RAB3C: variants seen among roughly 807,000 people sequenced by gnomAD.
RAB3C encodes RAB3C, member RAS oncogene family, also known as ras-related protein Rab-3C.
A neutral mutation model predicts 26.4 loss-of-function variants in RAB3C; 17 were observed. That is an observed-to-expected ratio of 0.64 (90% CI 0.44 to 0.97). The LOEUF (loss-of-function observed/expected upper bound fraction) is 0.97. RAB3C is among the 50% of genes least tolerant of loss of function. The probability of loss-of-function intolerance (pLI) is 0.00; values close to 1 mark genes in which losing one functional copy is unlikely to be tolerated. For missense variants in RAB3C, 242 were observed against 281.9 expected, an observed-to-expected ratio of 0.86 and a Z score of 1.01; for synonymous variants, 91 against 95.9, an observed-to-expected ratio of 0.95 and a Z score of 0.30.
chr5:58,592,808 T>C (rs1312738435), intron 1 of RAB3C, among the ~76,000 whole-genome samples: 1 of 152,128 alleles, frequency 6.6e-6, no homozygotes, highest in East Asian at 1.9e-4. Flanking sequence ...GTAATGTCAT[T>C]TTTTTCATCT....
In RAB3C at chr5:58,851,548, G is replaced by T. The variant is rs1744116001; in HGVS notation, c.*197G>T. On this transcript the variant is annotated 3_prime_UTR_variant, in exon 5 of 5. Transcript: ENST00000282878. ...AAATATGTGATCTTAAATTTATAAG[G>T]ACTATCCATCTATAAACATCTGGTA... 6.6e-6 allele frequency: 3 copies of T among 452,194 alleles called. No individual in the cohort carries two copies. The highest frequency in any genetic ancestry group is 1.2e-5 in the Non-Finnish European group (3 of 260,124). 28.0% of individuals were successfully genotyped at this position (452,194 alleles called of 1,614,324 possible). A position where few individuals can be genotyped will look rare whatever the true frequency, so the allele number is the denominator to read the frequency against.
Position 58,708,964 on chromosome 5 carries a change from A to G in RAB3C, c.253-17038A>G, listed in dbSNP as rs554638611. Among the ~76,000 whole-genome samples the G allele has an allele frequency of 2.0e-5, 3 of 152,370 alleles. No homozygotes were observed. In the East Asian group the frequency reaches 5.8e-4, roughly 29 times the overall value. The stretch of plus-strand genomic sequence containing the variant: ...TCTTAAATTTAAAATGTCAATGTAC[A>G]GATGTATGCTATATAGCATATACTT... On this transcript the variant is annotated intron_variant, in intron 2 of 4. Coordinates refer to ENST00000282878, the MANE Select transcript of RAB3C (RefSeq NM_138453.4).
In RAB3C at chr5:58,586,092, C is replaced by T. The variant is rs570539983; in HGVS notation, c.24+2860C>T. Among the ~76,000 whole-genome samples, 5 of 151,974 alleles carry T rather than the reference C, an allele frequency of 3.3e-5. No individual in the cohort carries two copies. In the East Asian group the frequency reaches 9.6e-4, roughly 29 times the overall value. On this transcript the variant is annotated intron_variant, in intron 1 of 4. Coordinates refer to ENST00000282878, the MANE Select transcript of RAB3C (RefSeq NM_138453.4). ...TATCTAGTGCTTTACCTGTGCTGAG[C>T]CCTGTGACTTAGATTTCATTGTATT...
intron 2 of RAB3C, among the ~76,000 whole-genome samples, chr5:58,690,907 C>A (rs1175262656): frequency 1.3e-5 from 2 of 151,894 alleles, no homozygotes. Context: ...CTAATAAATC[C>A]AGTTACCACA....
intron 3 of RAB3C, among the ~76,000 whole-genome samples, chr5:58,791,441 C>T (rs1031444156): frequency 5.7e-4 from 86 of 152,152 alleles, no homozygotes; most frequent in African/African-American, 1.0e-3. Flanking sequence ...ATCCCCAGTG[C>T]AAACTCTGCA....
At chr5:58,703,499 A>C (rs1270793882) in intron 2 of RAB3C, among the ~76,000 whole-genome samples, 1 of 152,146 alleles carries the variant, frequency 6.6e-6, no homozygotes, top group East Asian at 1.9e-4. Flanking sequence ...TTCTTTTGTA[A>C]TCATATTTCT....
At chr5:58,669,089 C>G (rs1217885498) in intron 2 of RAB3C, among the ~76,000 whole-genome samples, 1 of 152,066 alleles carries the variant, frequency 6.6e-6, no homozygotes, top group African/African-American at 2.4e-5. Flanking sequence ...ACCTAATTAC[C>G]TCCTGAAGGC....
chr5:58,801,349 T>C (rs1241519433), intron 3 of RAB3C, among the ~76,000 whole-genome samples: 1 of 152,148 alleles, frequency 6.6e-6, no homozygotes, highest in Non-Finnish European at 1.5e-5. Flanking sequence ...CATAGTGTAA[T>C]CCATGAAGCT....
intron 2 of RAB3C, among the ~76,000 whole-genome samples, chr5:58,630,667 A>G (rs1217872249): frequency 6.6e-6 from 1 of 152,214 alleles, no homozygotes; most frequent in Non-Finnish European, 1.5e-5. Context: ...CATGGGAGAA[A>G]GACAATGAGA....
intron 3 of RAB3C, among the ~76,000 whole-genome samples, chr5:58,810,250 A>C (rs1449704186): frequency 6.6e-6 from 1 of 152,178 alleles, no homozygotes; most frequent in Non-Finnish European, 1.5e-5. Flanking sequence ...AGCATACAGG[A>C]CACAGCACAG....
chr5:58,817,831 CAA>C lies in RAB3C; in HGVS notation c.372-7204_372-7203del, dbSNP rs1743250404. ...TGATTAAATTAAGTGAAAAAAATAA[CAA>C]AAGGGCCAATTATATGTGAAGAGCA... On this transcript the variant is annotated intron_variant, in intron 3 of 4. Transcript: ENST00000282878. Among the ~76,000 whole-genome samples the C allele has an allele frequency of 2.0e-5, 3 of 151,944 alleles. No individual in the cohort carries two copies. The South Asian group carries it at 6.2e-4, about 32-fold the overall frequency.
chr5:58,831,165 G>A (rs545667379), intron 4 of RAB3C, among the ~76,000 whole-genome samples: 1 of 152,242 alleles, frequency 6.6e-6, no homozygotes, highest in Admixed American at 6.5e-5. Context: ...ACAGTCATGA[G>A]CCACTGTGCC....
intron 2 of RAB3C, among the ~76,000 whole-genome samples, chr5:58,723,789 A>G (rs1040574124): frequency 8.6e-5 from 13 of 151,982 alleles, no homozygotes; most frequent in Non-Finnish European, 1.5e-4. Flanking sequence ...CTCTGCATCC[A>G]AAGGAGGCAT....
chr5:58,628,542 G>T (rs756290075), intron 2 of RAB3C, among the ~76,000 whole-genome samples: 1 of 152,078 alleles, frequency 6.6e-6, no homozygotes, highest in Non-Finnish European at 1.5e-5. Flanking sequence ...TCATGGAAGG[G>T]GCCACAGATG....
rs35659245 is a variant in RAB3C at position 58,766,119 on chromosome 5, C to CTTT, written c.371+40013_371+40015dup. Reference sequence around the variant, plus strand: ...ACAAATTACCCAGTTTCAGGTAATTCTTTTTTTTTTTTTTTTGAGATGTAG... The same window carrying CTTT: ...ACAAATTACCCAGTTTCAGGTAATTCTTTTTTTTTTTTTTTTTTTGAGATGTAG... On this transcript the variant is annotated intron_variant, in intron 3 of 4. Transcript: ENST00000282878. 2.3e-3 allele frequency among the ~76,000 whole-genome samples: 322 copies of CTTT among 138,450 alleles called. 2 individuals are homozygous for CTTT. Among genetic ancestry groups the CTTT allele is most frequent in the African/African-American group, 8.0e-3 (297 of 37,086 alleles). The allele number at this position is 138,450 out of a possible 152,430, so 90.8% of individuals were successfully genotyped here. A position where few individuals can be genotyped will look rare whatever the true frequency, so the allele number is the denominator to read the frequency against.
chr5:58,844,145 G>A (rs1388538593), intron 4 of RAB3C, among the ~76,000 whole-genome samples: 1 of 152,136 alleles, frequency 6.6e-6, no homozygotes, highest in African/African-American at 2.4e-5. Flanking sequence ...TTTGCTTTTG[G>A]ATGCAAAGTT....
At chr5:58,688,712 C>A (rs565712540) in intron 2 of RAB3C, among the ~76,000 whole-genome samples, 1 of 151,984 alleles carries the variant, frequency 6.6e-6, no homozygotes, top group African/African-American at 2.4e-5. Flanking sequence ...ATTTCTTTGG[C>A]CTTTGAATCT....
At position 58,854,211 on chromosome 5, in the gene RAB3C, T is replaced by C. The variant is rs984020499; in HGVS notation, c.*2860T>C. ...CCTGTTGGTTTGTAAGTTATACACA[T>C]TTATCTCTTGTCTTTGATTTAATTA... On this transcript the variant is annotated 3_prime_UTR_variant, in exon 5 of 5. Transcript: ENST00000282878. The C allele has an allele frequency of 6.6e-6, 1 of 152,178 alleles. No homozygotes were observed. Among genetic ancestry groups the C allele is most frequent in the Non-Finnish European group, 1.5e-5 (1 of 68,028 alleles). The allele number at this position is 152,178 out of a possible 1,614,324, so 9.4% of individuals were successfully genotyped here.
chr5:58,640,435 T>C (rs1747391440), intron 2 of RAB3C, among the ~76,000 whole-genome samples: 1 of 152,234 alleles, frequency 6.6e-6, no homozygotes, highest in South Asian at 2.1e-4. Context: ...AGGCTGACTA[T>C]GCAATTATTC....
Sources: allele counts gnomAD v4.1 joint callset (sites outside exome capture counted in the v4.1 genomes callset), GRCh38; gene constraint gnomAD v4.1.1; transcripts MANE v1.5; gene names NCBI Gene and HGNC (gene_info 2026-07-23, HGNC 2026-07-21).